The following ATE1 variants were observed in gnomAD, a reference collection of about 807,000 sequenced individuals.
The protein encoded by ATE1 is arginyl-tRNA--protein transferase 1.
Under a neutral mutation model 70.5 loss-of-function variants are expected in ATE1, and 36 were observed. The ratio of observed to expected loss-of-function variants is 0.51; its 90% confidence interval spans 0.39 to 0.67. The LOEUF (loss-of-function observed/expected upper bound fraction) is 0.67, where lower values mean the gene tolerates loss of function less well. ATE1 is among the 30% of genes least tolerant of loss of function. ATE1 has a pLI of 0.00. For missense variants in ATE1, 593 were observed against 629.5 expected (o/e 0.94, Z 0.62); for synonymous variants, 232 against 219.3 (o/e 1.06, Z -0.51).
chr10:121,900,089 G>T, intron 6 of ATE1, 95 bp from the exon 7 acceptor site: 2 of 1,306,816 alleles, frequency 1.5e-6, no homozygotes, highest in Non-Finnish European at 2.1e-6. Flanking sequence ...AAGAAACCAA[G>T]TTTCAACAAT....
At chr10:121,917,675 G>A (rs1951715274) in intron 3 of ATE1, among the ~76,000 whole-genome samples, 1 of 152,086 alleles carries the variant, frequency 6.6e-6, no homozygotes, top group Admixed American at 6.6e-5. Flanking sequence ...AATTATATAA[G>A]CATGTTGCTT....
At chr10:121,871,749 G>GA (rs888119015) in intron 7 of ATE1, among the ~76,000 whole-genome samples, 4 of 151,426 alleles carry the variant, frequency 2.6e-5, no homozygotes, top group African/African-American at 7.3e-5. Context: ...GGAAAGAAAA[G>GA]AAAAAAACAA....
chr10:121,830,376 C>T (rs73364411), intron 10 of ATE1, among the ~76,000 whole-genome samples: 4,956 of 152,192 alleles, frequency 0.033, 153 homozygotes, highest in African/African-American at 0.082. Context: ...TATAAATAAA[C>T]CCAGGCTCTC....
At chr10:121,782,356 T>C (rs1946028187) in intron 11 of ATE1, 1 of 152,234 alleles carries the variant, frequency 6.6e-6, no homozygotes, top group African/African-American at 2.4e-5. Context: ...AAATGTTCAA[T>C]CAAATGTGGA....
At chr10:121,849,118 C>T (rs1948956777) in intron 8 of ATE1, among the ~76,000 whole-genome samples, 1 of 146,986 alleles carries the variant, frequency 6.8e-6, no homozygotes, top group Non-Finnish European at 1.5e-5. Flanking sequence ...GGCTGAGGCA[C>T]GAGAATTGCT....
At chr10:121,927,786 C>G in intron 1 of ATE1, 58 bp downstream of exon 1, 4 of 1,509,936 alleles carry the variant, frequency 2.6e-6, no homozygotes, top group Non-Finnish European at 3.5e-6. Flanking sequence ...CTGGGGGACC[C>G]TGGGATCCCG....
At chr10:121,873,171 AAC>A (rs1402578663) in intron 7 of ATE1, among the ~76,000 whole-genome samples, 1 of 152,180 alleles carries the variant, frequency 6.6e-6, no homozygotes, top group African/African-American at 2.4e-5. Context: ...CAATATTAAT[AAC>A]ACTGTCAATT....
chr10:121,760,208 C>A (rs879941210), intron 11 of ATE1, among the ~76,000 whole-genome samples: 2 of 152,214 alleles, frequency 1.3e-5, no homozygotes, highest in African/African-American at 2.4e-5. Flanking sequence ...AACACAATAA[C>A]CATTCTGAAG....
chr10:121,790,500 C>T (rs534132268), intron 10 of ATE1, among the ~76,000 whole-genome samples: 7 of 152,306 alleles, frequency 4.6e-5, no homozygotes, highest in South Asian at 2.1e-4. Context: ...TTAAACACCA[C>T]GACTTAGGAT....
rs568741703 is a variant in ATE1, at chr10:121,743,375, T to G, written c.*305A>C. 26 of 280,458 alleles carry G rather than the reference T, an allele frequency of 9.3e-5. No individual in the cohort carries two copies. The Admixed American group carries it at 1.3e-3, about 14-fold the overall frequency. The allele number at this position is 280,458 out of a possible 1,614,324, so 17.4% of individuals were successfully genotyped here. A position where few individuals can be genotyped will look rare whatever the true frequency, so the allele number is the denominator to read the frequency against. ...ACAACTGTGATTAAGTTACTTAGAT[T>G]CACTTCTTCATTTTACAAAATACAA... On this transcript the variant is annotated 3_prime_UTR_variant, in exon 12 of 12. Transcript: ENST00000224652.
chr10:121,757,593 C>A (rs1190923189), intron 11 of ATE1, among the ~76,000 whole-genome samples: 2 of 152,192 alleles, frequency 1.3e-5, no homozygotes, highest in Non-Finnish European at 2.9e-5. Context: ...CAAGGAGGAG[C>A]AAGTCACATC....
At chr10:121,926,253 GTAAA>G (rs1952084305) in intron 1 of ATE1, among the ~76,000 whole-genome samples, 1 of 152,092 alleles carries the variant, frequency 6.6e-6, no homozygotes, top group South Asian at 2.1e-4. Flanking sequence ...TTTGTAAACA[GTAAA>G]TCACATCAGA....
chr10:121,757,841 T>G (rs1039474764), intron 11 of ATE1, among the ~76,000 whole-genome samples: 1 of 152,234 alleles, frequency 6.6e-6, no homozygotes, highest in African/African-American at 2.4e-5. Context: ...AGTGCTAAAC[T>G]GTGTTCTTCA....
intron 7 of ATE1, among the ~76,000 whole-genome samples, chr10:121,882,848 C>G (rs558755048): frequency 1.3e-5 from 2 of 152,088 alleles, no homozygotes; most frequent in African/African-American, 4.8e-5. Context: ...TGGTCTTAAT[C>G]CTCAACTTTC....
chr10:121,875,305 TTTG>T (rs367660652), intron 7 of ATE1, among the ~76,000 whole-genome samples: 32,173 of 73,062 alleles, frequency 0.44, 6,376 homozygotes, highest in Middle Eastern at 0.57. Flanking sequence ...TTGGTTTTTT[TTTG>T]TTTTTTTTTT....
At chr10:121,866,193 C>T (rs965590247) in intron 8 of ATE1, among the ~76,000 whole-genome samples, 1 of 152,156 alleles carries the variant, frequency 6.6e-6, no homozygotes, top group African/African-American at 2.4e-5. Flanking sequence ...GCAGCCCCTG[C>T]TTAGTGCTGC....
chr10:121,863,340 GC>G (rs1214158372), intron 8 of ATE1, among the ~76,000 whole-genome samples: 2 of 139,666 alleles, frequency 1.4e-5, no homozygotes, highest in Non-Finnish European at 3.0e-5. Flanking sequence ...TGCAACCTCC[GC>G]CTCCCGGGTT....
chr10:121,822,160 G>T (rs1251876077), intron 10 of ATE1, among the ~76,000 whole-genome samples: 1 of 152,116 alleles, frequency 6.6e-6, no homozygotes, highest in Non-Finnish European at 1.5e-5. Flanking sequence ...AGTAGAATGG[G>T]TGTAAAAAAT....
intron 8 of ATE1, among the ~76,000 whole-genome samples, chr10:121,844,741 T>G (rs1256963716): frequency 6.6e-6 from 1 of 152,188 alleles, no homozygotes; most frequent in African/African-American, 2.4e-5. Flanking sequence ...AATGAAAGAT[T>G]ACTCAGCAAT....
Sources: gnomAD v4.1 joint callset for allele counts (sites outside exome capture counted in the v4.1 genomes callset) on GRCh38, gnomAD v4.1.1 for gene constraint, MANE v1.5 for transcripts, NCBI Gene and HGNC (gene_info 2026-07-23, HGNC 2026-07-21) for gene names.